Variants in PGBD5 observed in about 807,000 individuals in gnomAD.
The protein encoded by PGBD5 is piggyBac transposable element derived 5.
Under a neutral mutation model 47.9 loss-of-function variants are expected in PGBD5, and 14 were observed. The observed-to-expected ratio is 0.29, with a 90% CI of 0.19 to 0.46. The LOEUF (loss-of-function observed/expected upper bound fraction) is 0.46. PGBD5 is among the 20% of genes least tolerant of loss of function. The pLI, the probability that PGBD5 is intolerant of heterozygous loss-of-function variation, is 1.00. For missense variants in PGBD5, 635 were observed against 716.0 expected (o/e 0.89, Z 1.29); for synonymous variants, 316 against 306.3 (o/e 1.03, Z -0.33).
At chr1:230,375,993 A>G (rs1668008018) in intron 1 of PGBD5, among the ~76,000 whole-genome samples, 1 of 151,752 alleles carries the variant, frequency 6.6e-6, no homozygotes, top group Admixed American at 6.6e-5. Flanking sequence ...GTGAGCGCAT[A>G]TCAGCACGTG....
intron 3 of PGBD5, among the ~76,000 whole-genome samples, chr1:230,345,134 C>T (rs1667457499): frequency 6.6e-6 from 1 of 152,068 alleles, no homozygotes; most frequent in Admixed American, 6.5e-5. Flanking sequence ...TTTTCTCCTC[C>T]AAAGAATCTT....
intron 3 of PGBD5, among the ~76,000 whole-genome samples, chr1:230,348,701 C>T (rs1310667122): frequency 4.6e-5 from 7 of 152,248 alleles, no homozygotes; most frequent in East Asian, 1.9e-4. Flanking sequence ...GGCTCCTCTA[C>T]GTCTCCTGGC....
rs1049111443 is a variant in PGBD5, at chr1:230,391,832, C to T, written c.331+33766G>A. On this transcript the variant is annotated intron_variant, in intron 1 of 6. Coordinates refer to ENST00000391860, the MANE Select transcript of PGBD5 (RefSeq NM_001258311.2). Reference sequence around the variant, plus strand: ...GCCCCAAACACCTGGCACTGATCTTCGTTAAATTCAATAAAAAACGAGCCC... The same window carrying T: ...GCCCCAAACACCTGGCACTGATCTTTGTTAAATTCAATAAAAAACGAGCCC... Among the ~76,000 whole-genome samples the T allele has an allele frequency of 3.5e-4, 54 of 152,176 alleles. 1 individual carries two copies. Among genetic ancestry groups the T allele is most frequent in the African/African-American group, 1.2e-3 (49 of 41,430 alleles).
chr1:230,370,883 A>G (rs1667917727), intron 1 of PGBD5, among the ~76,000 whole-genome samples: 1 of 152,220 alleles, frequency 6.6e-6, no homozygotes, highest in South Asian at 2.1e-4. Context: ...ATCTGGTCCC[A>G]TGTATTAGAT....
chr1:230,399,411 G>A (rs936938740), intron 1 of PGBD5, among the ~76,000 whole-genome samples: 2 of 152,172 alleles, frequency 1.3e-5, no homozygotes, highest in African/African-American at 4.8e-5. Flanking sequence ...GGGATGCCCT[G>A]GAGAGCTGAT....
At chr1:230,348,852 G>A (rs1047198346) in intron 3 of PGBD5, among the ~76,000 whole-genome samples, 1 of 152,170 alleles carries the variant, frequency 6.6e-6, no homozygotes, top group Non-Finnish European at 1.5e-5. Flanking sequence ...GAAACTGAAG[G>A]GTAATTAATT....
chr1:230,404,740 C>G (rs1042237985), intron 1 of PGBD5, among the ~76,000 whole-genome samples: 1 of 150,856 alleles, frequency 6.6e-6, no homozygotes, highest in African/African-American at 2.4e-5. Flanking sequence ...CGATACTAGC[C>G]TGACCAAAAT....
intron 1 of PGBD5, among the ~76,000 whole-genome samples, chr1:230,418,298 C>T (rs1232662680): frequency 1.3e-5 from 2 of 152,132 alleles, no homozygotes; most frequent in Non-Finnish European, 2.9e-5. Flanking sequence ...CGATAGGACA[C>T]CAGGTAAATA....
rs561884170 is a variant in PGBD5 at position 230,392,728 on chromosome 1, C to T, written c.331+32870G>A. ...CTCTCACCCAAGGAAATCCCCCGTG[C>T]GGCCCTGAGGTCCACCTCACAATGG... On this transcript the variant is annotated intron_variant, in intron 1 of 6. Transcript: ENST00000391860. Among the ~76,000 whole-genome samples, 12 of 152,282 alleles carry T rather than the reference C, an allele frequency of 7.9e-5. No individual in the cohort carries two copies. The South Asian group carries it at 1.5e-3, about 18-fold the overall frequency.
chr1:230,394,031 A>G (rs923875021), intron 1 of PGBD5, among the ~76,000 whole-genome samples: 2 of 152,034 alleles, frequency 1.3e-5, no homozygotes, highest in Admixed American at 1.3e-4. Context: ...TCTTACAGAA[A>G]CATGGACTTC....
At chr1:230,411,168 A>G (rs1289979889) in intron 1 of PGBD5, among the ~76,000 whole-genome samples, 1 of 152,154 alleles carries the variant, frequency 6.6e-6, no homozygotes, top group African/African-American at 2.4e-5. Context: ...CTGTAGTCCC[A>G]GCTACTCAGG....
At chr1:230,347,753 T>C (rs116718552) in intron 3 of PGBD5, among the ~76,000 whole-genome samples, 1,839 of 152,204 alleles carry the variant, frequency 0.012, 39 homozygotes, top group African/African-American at 0.041. Flanking sequence ...TGGTCCACAG[T>C]AGATAGTGGC....
At chr1:230,418,857 C>T (rs1340307095) in intron 1 of PGBD5, among the ~76,000 whole-genome samples, 1 of 152,260 alleles carries the variant, frequency 6.6e-6, no homozygotes, top group African/African-American at 2.4e-5. Context: ...TAAGAATGCA[C>T]TGTGCTGTGC....
rs200473497 is a variant in PGBD5, at chr1:230,357,209, C to T, written c.444G>A (p.Lys148=). 92 of 1,614,044 alleles carry T rather than the reference C, an allele frequency of 5.7e-5. No homozygotes were observed. The highest frequency in any genetic ancestry group is 7.6e-5 in the Non-Finnish European group (90 of 1,180,034). Residue 148 remains lysine, a synonymous_variant, in exon 2 of 7, where the codon AAG becomes AAA. Transcript: ENST00000391860. The surrounding 1 kb of genome is among the most constrained non-coding windows in gnomAD (Gnocchi z 5.7). The part of the protein sequence containing the change: ...MVVQTNMYAK[K]FQERFGSDGA... The stretch of plus-strand genomic sequence containing the variant: ...CGTCGCTCCCAAACCGCTCCTGGAA[C>T]TTCTTGGCATACATGTTTGTCTGCA...
At chr1:230,350,830 G>C (rs533276926) in intron 3 of PGBD5, 128 bp downstream of exon 3, 2 of 1,344,760 alleles carry the variant, frequency 1.5e-6, no homozygotes, top group East Asian at 4.9e-5. Context: ...GGAGCATCTG[G>C]GTGGACTTGG....
intron 1 of PGBD5, among the ~76,000 whole-genome samples, chr1:230,402,048 G>A (rs559178251): frequency 6.6e-6 from 1 of 152,206 alleles, no homozygotes; most frequent in Non-Finnish European, 1.5e-5. Context: ...GTGACAGGGA[G>A]GGGGAGAGAA....
chr1:230,407,736 T>TA (rs1657328547), intron 1 of PGBD5, among the ~76,000 whole-genome samples: 2 of 152,222 alleles, frequency 1.3e-5, no homozygotes, highest in Non-Finnish European at 2.9e-5. Flanking sequence ...TCTTGAAAGA[T>TA]AGACATATTG....
At chr1:230,342,808 CTG>C (rs1269768092) in intron 3 of PGBD5, among the ~76,000 whole-genome samples, 1 of 152,182 alleles carries the variant, frequency 6.6e-6, no homozygotes, top group African/African-American at 2.4e-5. Context: ...TAGCAAAGCT[CTG>C]TAACTGTGCT....
chr1:230,385,977 A>T (rs1656628224), intron 1 of PGBD5, among the ~76,000 whole-genome samples: 2 of 152,138 alleles, frequency 1.3e-5, no homozygotes, highest in South Asian at 4.1e-4. Flanking sequence ...TGCACTTTAG[A>T]GTTTAAGGAG....
Sources: allele counts gnomAD v4.1 joint callset (sites outside exome capture counted in the v4.1 genomes callset), GRCh38; gene constraint gnomAD v4.1.1; non-coding constraint Gnocchi (gnomAD v3.1); transcripts MANE v1.5; gene names NCBI Gene and HGNC (gene_info 2026-07-23, HGNC 2026-07-21).